Variants in CTNNA2 observed in about 807,000 individuals in gnomAD.
CTNNA2 encodes catenin alpha 2, also known as catenin alpha-2.
CTNNA2 carries 42 observed loss-of-function variants against 101.0 expected under a neutral mutation model. The observed-to-expected ratio is 0.42, with a 90% CI of 0.32 to 0.54. The LOEUF (loss-of-function observed/expected upper bound fraction) is 0.54. Ranked by LOEUF, CTNNA2 falls within the 20% of genes least tolerant of loss-of-function variation. CTNNA2 has a pLI of 0.14. For missense variants in CTNNA2, 871 were observed against 1,223.1 expected, an observed-to-expected ratio of 0.71 and a Z score of 4.29; for synonymous variants, 450 against 456.4, an observed-to-expected ratio of 0.99 and a Z score of 0.18.
intron 2 of CTNNA2, among the ~76,000 whole-genome samples, chr2:79,214,732 G>A (rs1366739860): frequency 3.3e-5 from 5 of 152,168 alleles, no homozygotes; most frequent in Non-Finnish European, 4.4e-5. Flanking sequence ...AGTGAGATGC[G>A]GCTGTAGTCC....
intron 12 of CTNNA2, among the ~76,000 whole-genome samples, chr2:80,560,554 A>C (rs1693490490): frequency 6.6e-6 from 1 of 152,138 alleles, no homozygotes; most frequent in African/African-American, 2.4e-5. Flanking sequence ...TGGCATAAGC[A>C]ATTATTGCCC....
At chr2:79,641,793 T>C (rs1256980440) in intron 1 of CTNNA2, among the ~76,000 whole-genome samples, 1 of 152,248 alleles carries the variant, frequency 6.6e-6, no homozygotes, top group East Asian at 1.9e-4. Context: ...ATTTGACAGA[T>C]ACTAAATTTT....
In CTNNA2 at chr2:79,909,662, G is replaced by A. The variant is rs1437745799; in HGVS notation, c.921G>A (p.Leu307=). 1 of 1,613,714 alleles carries A rather than the reference G, an allele frequency of 6.2e-7. No individual in the cohort carries two copies. The highest frequency in any genetic ancestry group is 1.3e-5 in the African/African-American group (1 of 74,932). The change falls in exon 7 of 19, where the codon CTG becomes CTA. Residue 307 remains leucine, a synonymous_variant. Transcript: ENST00000402739. ...TCCGGCCGTCCCTGGAGGAGAGGCT[G>A]GAGAGCATCATCAGCGGCGCAGCGC... ...ARFRPSLEER[L]ESIISGAALM... is the part of the protein sequence containing the mutation.
intron 7 of CTNNA2, among the ~76,000 whole-genome samples, chr2:79,929,521 T>A (rs1687245357): frequency 6.6e-6 from 1 of 152,232 alleles, no homozygotes; most frequent in African/African-American, 2.4e-5. Context: ...GAGTTCTCTC[T>A]CACTGGATTG....
intron 3 of CTNNA2, among the ~76,000 whole-genome samples, chr2:79,760,344 TC>T (rs547631372): frequency 1.3e-5 from 2 of 152,088 alleles, no homozygotes; most frequent in South Asian, 4.1e-4. Flanking sequence ...GTCTGAGTTT[TC>T]CAGAGAAAGA....
At chr2:79,700,001 G>A (rs774839895) in intron 2 of CTNNA2, among the ~76,000 whole-genome samples, 4 of 150,626 alleles carry the variant, frequency 2.7e-5, no homozygotes, top group Non-Finnish European at 5.9e-5. Context: ...TGACAGGTGA[G>A]GAAGGGCAAG....
intron 8 of CTNNA2, among the ~76,000 whole-genome samples, chr2:80,397,926 A>G (rs947320490): frequency 2.6e-5 from 4 of 152,216 alleles, no homozygotes; most frequent in African/African-American, 9.6e-5. Flanking sequence ...GGAAGAAGGA[A>G]GGTTCACATA....
At chr2:80,319,971 T>C (rs1429815372) in intron 7 of CTNNA2, among the ~76,000 whole-genome samples, 1 of 152,152 alleles carries the variant, frequency 6.6e-6, no homozygotes, top group Non-Finnish European at 1.5e-5. Flanking sequence ...AAGAGAGGAA[T>C]GGAATGTTAT....
chr2:79,199,028 G>C (rs775594720), intron 2 of CTNNA2, among the ~76,000 whole-genome samples: 10 of 152,214 alleles, frequency 6.6e-5, no homozygotes, highest in Non-Finnish European at 1.3e-4. Flanking sequence ...AATAAAATCT[G>C]CCAATATACA....
chr2:79,847,542 CAAAAAAAAAAAA>C (rs70940050), intron 3 of CTNNA2, among the ~76,000 whole-genome samples: 22 of 40,168 alleles, frequency 5.5e-4, no homozygotes, highest in African/African-American at 1.8e-3. Flanking sequence ...GACTCTGTCT[CAAAAAAAAAAAA>C]AAAAAAAAAA....
At chr2:79,555,638 A>G (rs545114682) in intron 1 of CTNNA2, among the ~76,000 whole-genome samples, 1 of 152,266 alleles carries the variant, frequency 6.6e-6, no homozygotes, top group South Asian at 2.1e-4. Context: ...TCATGAACAG[A>G]ATTCTGACTA....
intron 18 of CTNNA2, among the ~76,000 whole-genome samples, chr2:80,633,011 A>T (rs1672462407): frequency 6.6e-6 from 1 of 152,168 alleles, no homozygotes; most frequent in Non-Finnish European, 1.5e-5. Context: ...CTAATGTATT[A>T]TCTTGTGCTT....
chr2:80,246,497 C>T (rs1671340309), intron 7 of CTNNA2, among the ~76,000 whole-genome samples: 1 of 152,126 alleles, frequency 6.6e-6, no homozygotes, highest in Admixed American at 6.5e-5. Context: ...AGAAAATAAT[C>T]AGAGCATTGG....
intron 7 of CTNNA2, among the ~76,000 whole-genome samples, chr2:80,326,629 G>T (rs1235883469): frequency 6.6e-6 from 1 of 151,870 alleles, no homozygotes; most frequent in Non-Finnish European, 1.5e-5. Flanking sequence ...TCACAAATTA[G>T]CCAATAGTTC....
At chr2:80,374,678 C>CGTGTGTGTGTGTGT (rs1337506974) in intron 7 of CTNNA2, among the ~76,000 whole-genome samples, 18 of 143,222 alleles carry the variant, frequency 1.3e-4, no homozygotes, top group East Asian at 4.3e-4. Flanking sequence ...TGCGTGCGTG[C>CGTGTGTGTGTGTGT]GTGCGTGTGT....
intron 2 of CTNNA2, among the ~76,000 whole-genome samples, chr2:79,670,516 A>G (rs575211395): frequency 6.6e-6 from 1 of 152,322 alleles, no homozygotes; most frequent in Non-Finnish European, 1.5e-5. Flanking sequence ...AGCCAGCATG[A>G]TGGCAGCAGC....
intron 7 of CTNNA2, among the ~76,000 whole-genome samples, chr2:80,027,453 T>G (rs1474641956): frequency 2.6e-5 from 4 of 152,204 alleles, no homozygotes; most frequent in African/African-American, 4.8e-5. Flanking sequence ...AGGGAAATGT[T>G]GACATCAGGC....
chr2:80,181,560 T>C (rs369309127), intron 7 of CTNNA2, among the ~76,000 whole-genome samples: 1 of 152,168 alleles, frequency 6.6e-6, no homozygotes, highest in African/African-American at 2.4e-5. Flanking sequence ...CAATTTCAGC[T>C]CTTTCTCTAC....
At chr2:79,291,761 G>A (rs1183859941) in intron 2 of CTNNA2, among the ~76,000 whole-genome samples, 1 of 152,186 alleles carries the variant, frequency 6.6e-6, no homozygotes. Context: ...TCCCATGGCA[G>A]TGACTTGGAC....
Sources: allele counts gnomAD v4.1 joint callset (sites outside exome capture counted in the v4.1 genomes callset), GRCh38; gene constraint gnomAD v4.1.1; transcripts MANE v1.5; gene names NCBI Gene and HGNC (gene_info 2026-07-23, HGNC 2026-07-21).